Variants in PPFIA2 observed in about 807,000 individuals in gnomAD.
PPFIA2 encodes the protein liprin-alpha-2.
PPFIA2 carries 46 observed loss-of-function variants against 175.5 expected under a neutral mutation model. The ratio of observed to expected loss-of-function variants is 0.26; its 90% CI spans 0.21 to 0.34. The LOEUF is 0.34. PPFIA2 is among the 10% of genes least tolerant of loss of function. The probability of loss-of-function intolerance (pLI) is 1.00; values close to 1 mark genes in which losing one functional copy is unlikely to be tolerated. For synonymous variants in PPFIA2, 568 were observed against 511.4 expected (o/e 1.11, Z -1.49); for missense variants, 1,179 against 1,506.1 (o/e 0.78, Z 3.60).
intron 4 of PPFIA2, among the ~76,000 whole-genome samples, chr12:81,564,602 C>G (rs1306750325): frequency 6.6e-6 from 1 of 152,128 alleles, no homozygotes; most frequent in Admixed American, 6.6e-5. Flanking sequence ...TTGGTGTGAA[C>G]TGTTTAGAGA....
chr12:81,669,247 C>T (rs10778824), intron 4 of PPFIA2, among the ~76,000 whole-genome samples: 46,422 of 151,786 alleles, frequency 0.31, 8,107 homozygotes, highest in Middle Eastern at 0.4. Context: ...ACTACCACTA[C>T]TATAGTCTGA....
intron 7 of PPFIA2, among the ~76,000 whole-genome samples, chr12:81,415,421 T>C (rs1479643245): frequency 6.7e-6 from 1 of 149,044 alleles, no homozygotes; most frequent in African/African-American, 2.4e-5. Context: ...AGTGCTAAAA[T>C]TTAAATGCAC....
chr12:81,508,243 C>T (rs147454304), intron 4 of PPFIA2, among the ~76,000 whole-genome samples: 6 of 151,950 alleles, frequency 3.9e-5, no homozygotes, highest in African/African-American at 1.4e-4. Context: ...TTTGTGGGGC[C>T]GGGCACGGTG....
intron 3 of PPFIA2, among the ~76,000 whole-genome samples, chr12:81,715,415 AT>A (rs2078477832): frequency 3.3e-5 from 5 of 151,882 alleles, no homozygotes; most frequent in African/African-American, 1.2e-4. Flanking sequence ...AGAATAATTT[AT>A]TTTTTAAGTA....
intron 28 of PPFIA2, among the ~76,000 whole-genome samples, chr12:81,276,268 G>T (rs1008041604): frequency 1.3e-5 from 2 of 152,178 alleles, no homozygotes; most frequent in Non-Finnish European, 2.9e-5. Context: ...AGTCTCAGAA[G>T]GGTGGGAGGC....
At chr12:81,549,776 AT>A (rs2067593058) in intron 4 of PPFIA2, among the ~76,000 whole-genome samples, 1 of 152,040 alleles carries the variant, frequency 6.6e-6, no homozygotes, top group Non-Finnish European at 1.5e-5. Flanking sequence ...TTTTTTAGCC[AT>A]GTTTTCTACT....
chr12:81,280,086 A>G (rs1247813168), intron 27 of PPFIA2, among the ~76,000 whole-genome samples: 2 of 152,196 alleles, frequency 1.3e-5, no homozygotes, highest in African/African-American at 4.8e-5. Flanking sequence ...CCACCTTATA[A>G]CAATTTGATA....
intron 2 of PPFIA2, among the ~76,000 whole-genome samples, chr12:81,755,938 T>A (rs1777389044): frequency 6.6e-6 from 1 of 152,152 alleles, no homozygotes. Context: ...TTATCTCAAT[T>A]TGATTTTCAT....
intron 3 of PPFIA2, among the ~76,000 whole-genome samples, chr12:81,687,775 A>G (rs1432018488): frequency 6.6e-6 from 1 of 151,892 alleles, no homozygotes; most frequent in Non-Finnish European, 1.5e-5. Context: ...AATAATTAAT[A>G]TTAATTTTAA....
intron 21 of PPFIA2, among the ~76,000 whole-genome samples, chr12:81,333,404 G>T (rs1009108806): frequency 6.6e-6 from 1 of 152,132 alleles, no homozygotes; most frequent in Non-Finnish European, 1.5e-5. Flanking sequence ...TTCTCCGAAC[G>T]TGATTCCAAT....
At position 81,486,970 on chromosome 12, in the gene PPFIA2, C is replaced by G. The variant is rs116195803; in HGVS notation, c.304-29104G>C. On this transcript the variant is annotated intron_variant, in intron 4 of 32. Coordinates refer to ENST00000549396, the MANE Select transcript of PPFIA2 (RefSeq NM_003625.5). ...TAATAAACCATATAAAGCCTTGGTACCAGATTTCTTTTAAAAATACATTAA... is the reference window on the plus strand; with the variant it reads ...TAATAAACCATATAAAGCCTTGGTAGCAGATTTCTTTTAAAAATACATTAA... 1.8e-3 allele frequency among the ~76,000 whole-genome samples: 267 copies of G among 151,976 alleles called. 1 individual carries two copies. Among genetic ancestry groups the G allele is most frequent in the African/African-American group, 6.1e-3 (255 of 41,506 alleles).
At chr12:81,516,512 G>T (rs117249182) in intron 4 of PPFIA2, among the ~76,000 whole-genome samples, 1,920 of 152,242 alleles carry the variant, frequency 0.013, 21 homozygotes, top group Non-Finnish European at 0.02. Flanking sequence ...AAAAATAAGT[G>T]ATTTGGTTGG....
At chr12:81,637,656 C>A (rs1240101660) in intron 4 of PPFIA2, among the ~76,000 whole-genome samples, 1 of 152,094 alleles carries the variant, frequency 6.6e-6, no homozygotes, top group Non-Finnish European at 1.5e-5. Flanking sequence ...TAGATAATAA[C>A]ATTTGTTCAT....
chr12:81,349,085 G>T (rs1021390685), intron 17 of PPFIA2, among the ~76,000 whole-genome samples: 1 of 152,118 alleles, frequency 6.6e-6, no homozygotes, highest in Admixed American at 6.6e-5. Context: ...CGTTTACTAT[G>T]GGAAGTTGAG....
chr12:81,714,195 C>T (rs1191185912), intron 3 of PPFIA2, among the ~76,000 whole-genome samples: 1 of 150,934 alleles, frequency 6.6e-6, no homozygotes, highest in African/African-American at 2.4e-5. Context: ...TCCTTATATA[C>T]ATATAATAAG....
intron 4 of PPFIA2, among the ~76,000 whole-genome samples, chr12:81,558,063 T>G (rs529359100): frequency 1.3e-5 from 2 of 152,214 alleles, no homozygotes; most frequent in South Asian, 4.1e-4. Flanking sequence ...TTCTTGTTAT[T>G]CTTAAGATAC....
intron 3 of PPFIA2, among the ~76,000 whole-genome samples, chr12:81,713,836 T>G (rs1486101967): frequency 6.6e-6 from 1 of 151,368 alleles, no homozygotes; most frequent in Non-Finnish European, 1.5e-5. Flanking sequence ...AGAACAAAAC[T>G]AAATCCTTGT....
intron 4 of PPFIA2, among the ~76,000 whole-genome samples, chr12:81,484,591 A>G (rs2058614742): frequency 6.6e-6 from 1 of 152,018 alleles, no homozygotes; most frequent in African/African-American, 2.4e-5. Flanking sequence ...ACATAATAGC[A>G]CTATTCATTA....
chr12:81,533,695 CT>C (rs1376172413), intron 4 of PPFIA2, among the ~76,000 whole-genome samples: 2 of 101,546 alleles, frequency 2.0e-5, no homozygotes, highest in African/African-American at 8.5e-5. Context: ...ATTCACAAAT[CT>C]ATCTATCTAT....
Sources: gnomAD v4.1 joint callset for allele counts (sites outside exome capture counted in the v4.1 genomes callset) on GRCh38, gnomAD v4.1.1 for gene constraint, MANE v1.5 for transcripts, NCBI Gene and HGNC (gene_info 2026-07-23, HGNC 2026-07-21) for gene names.